Variants in NUGGC observed in about 807,000 individuals in gnomAD.
The protein encoded by NUGGC is nuclear GTPase SLIP-GC.
NUGGC carries 58 observed loss-of-function variants against 92.6 expected under a neutral mutation model. That is an observed-to-expected ratio of 0.63 (90% CI 0.51 to 0.78). The LOEUF (loss-of-function observed/expected upper bound fraction) is 0.78, where lower values mean the gene tolerates loss of function less well. NUGGC is among the 30% of genes least tolerant of loss of function. NUGGC has a pLI of 0.00. For missense variants in NUGGC, 925 were observed against 964.6 expected (o/e 0.96, Z 0.54); for synonymous variants, 376 against 366.4 (o/e 1.03, Z -0.30).
rs149939816 is a variant in NUGGC at position 28,030,359 on chromosome 8, G to A, written c.1968C>T (p.Tyr656=). The A allele has an allele frequency of 9.2e-4, 1,458 of 1,582,270 alleles. 14 individuals are homozygous for A. In the African/African-American group the frequency reaches 0.017, roughly 18 times the overall value. The change falls in exon 16 of 19, where the codon TAC becomes TAT. Residue 656 remains tyrosine, a synonymous_variant. Coordinates refer to ENST00000413272, the MANE Select transcript of NUGGC (RefSeq NM_001010906.2). ...DHILRRKRRI[Y]ESLTASVQSD... is the part of the protein sequence containing the mutation. ...TCTGGACAGAGGCAGTGAGGGACTC[G>A]TAGATCCTCCTCTTCCTTCTGAGGA...
chr8:28,064,746 C>T lies in NUGGC; in HGVS notation c.712-15G>A, dbSNP rs374073572. Reference sequence around the variant, plus strand: ...AGCTCTTCTGCCTGAAGAAGGAGGACAGAGTCACACACACCAGCCATGCAC... The same window carrying T: ...AGCTCTTCTGCCTGAAGAAGGAGGATAGAGTCACACACACCAGCCATGCAC... On this transcript the variant is annotated splice_polypyrimidine_tract_variant and intron_variant, in intron 6 of 18. Transcript: ENST00000413272. The T allele has an allele frequency of 4.4e-6, 7 of 1,608,650 alleles. No individual in the cohort carries two copies. In the African/African-American group the frequency reaches 9.4e-5, roughly 22 times the overall value.
At chr8:28,055,934 G>A in intron 10 of NUGGC, 31 bp downstream of exon 10, 1 of 1,261,650 alleles carries the variant, frequency 7.9e-7, no homozygotes, top group South Asian at 1.3e-5. Flanking sequence ...CTGGGATACA[G>A]AAAAACACAT....
At chr8:28,081,859 C>T (rs1482075453) in intron 1 of NUGGC, among the ~76,000 whole-genome samples, 6 of 147,618 alleles carry the variant, frequency 4.1e-5, no homozygotes, top group Non-Finnish European at 8.9e-5. Flanking sequence ...GCCTGGGCAA[C>T]AGAGTGAGAC....
Position 28,069,570 on chromosome 8 carries a change from G to A in NUGGC, c.231C>T (p.Ser77=), listed in dbSNP as rs1363714542. The part of the protein sequence containing the change: ...KLIQSVFLDD[S]IPNGVKYLIN... ...TGAGATACTTGACTCCATTAGGGAT[G>A]CTGTCATCCAGGAAGACAGACTGAA... The change falls in exon 4 of 19, where the codon AGC becomes AGT. Residue 77 remains serine, a synonymous_variant. Coordinates refer to ENST00000413272, the MANE Select transcript of NUGGC (RefSeq NM_001010906.2). 1.9e-6 allele frequency: 3 copies of A among 1,596,152 alleles called. No homozygotes were observed. Among genetic ancestry groups the A allele is most frequent in the South Asian group, 2.2e-5 (2 of 90,678 alleles).
chr8:28,024,086 T>C (rs925630823), intron 18 of NUGGC, among the ~76,000 whole-genome samples: 4 of 152,114 alleles, frequency 2.6e-5, no homozygotes, highest in Non-Finnish European at 5.9e-5. Context: ...TACAATGGCA[T>C]GATCTTGACT....
At position 28,049,064 on chromosome 8, in the gene NUGGC, A is replaced by T. The variant is rs150808896; in HGVS notation, c.1207-1452T>A. ...ATGTGCGTGTGTGGGTATTTGAGGG[A>T]GGTAGAAAGCAGTGAAGAGTTGTCA... is the stretch of plus-strand genomic sequence containing the variant. On this transcript the variant is annotated intron_variant, in intron 10 of 18. Coordinates refer to ENST00000413272, the MANE Select transcript of NUGGC (RefSeq NM_001010906.2). 4.6e-5 allele frequency among the ~76,000 whole-genome samples: 7 copies of T among 152,144 alleles called. 1 individual carries two copies. Among genetic ancestry groups the T allele is most frequent in the African/African-American group, 1.7e-4 (7 of 41,530 alleles).
intron 12 of NUGGC, 39 bp downstream of exon 12, chr8:28,045,488 A>G (rs1162082461): frequency 6.3e-7 from 1 of 1,592,628 alleles, no homozygotes. Context: ...TGTCCTGCCC[A>G]GGAAGGGGGA....
Position 28,041,212 on chromosome 8 carries a change from C to G in NUGGC, c.1450G>C (p.Glu484Gln). 6.2e-7 allele frequency: 1 copy of G among 1,609,300 alleles called. No individual in the cohort carries two copies. The highest frequency in any genetic ancestry group is 8.5e-7 in the Non-Finnish European group (1 of 1,178,056). Residue 484 changes from glutamate (E) to glutamine (Q), a missense_variant, in exon 13 of 19, where the codon GAA becomes CAA. By Grantham distance (29) the Glu-to-Gln change is conservative (BLOSUM62 2). Transcript: ENST00000413272. Reference sequence around the variant, plus strand: ...CGCAGGACACTCATGTGCAAGTGTTCATTCTAGGGACAAGGACCATAAAAG... The same window carrying G: ...CGCAGGACACTCATGTGCAAGTGTTGATTCTAGGGACAAGGACCATAAAAG... ...SFNSTQNLPNEHLHMSVLRRF... is the reference protein window; with the variant it reads ...SFNSTQNLPNQHLHMSVLRRF...
chr8:28,065,979 G>A (rs1315065465), intron 6 of NUGGC, among the ~76,000 whole-genome samples: 1 of 130,520 alleles, frequency 7.7e-6, no homozygotes, highest in Non-Finnish European at 1.6e-5. Context: ...AACTGGTTCC[G>A]GGCAAACATC....
chr8:28,075,137 A>C (rs1008311872), intron 1 of NUGGC, among the ~76,000 whole-genome samples: 1 of 152,126 alleles, frequency 6.6e-6, no homozygotes, highest in Non-Finnish European at 1.5e-5. Context: ...TCTCAGCAGG[A>C]ATCTGGGAGG....
rs895587366 is a variant in NUGGC at position 28,081,649 on chromosome 8, C to T, written c.-47+2126G>A. ...ATCCCAACATTTTGGGAGGCTGAGC[C>T]GGGCAGATCATGAGGTCAGGAGTTT... On this transcript the variant is annotated intron_variant, in intron 1 of 18. Coordinates refer to ENST00000413272, the MANE Select transcript of NUGGC (RefSeq NM_001010906.2). Among the ~76,000 whole-genome samples the T allele has an allele frequency of 4.6e-5, 7 of 151,982 alleles. No homozygotes were observed. The East Asian group carries it at 9.7e-4, about 21-fold the overall frequency.
chr8:28,033,772 G>C, intron 13 of NUGGC, 75 bp from the exon 14 acceptor site: 5 of 1,256,834 alleles, frequency 4.0e-6, no homozygotes, highest in Non-Finnish European at 5.7e-6. Context: ...CATTGCCCTG[G>C]CCAAAGATCA....
intron 1 of NUGGC, among the ~76,000 whole-genome samples, chr8:28,079,888 C>T (rs1810807296): frequency 1.3e-5 from 2 of 152,052 alleles, no homozygotes; most frequent in African/African-American, 4.8e-5. Context: ...GAAGCTACTG[C>T]CTGCAAACTG....
intron 17 of NUGGC, among the ~76,000 whole-genome samples, chr8:28,027,739 T>C (rs960389251): frequency 6.6e-6 from 1 of 152,200 alleles, no homozygotes; most frequent in Non-Finnish European, 1.5e-5. Flanking sequence ...GCCATGGACC[T>C]GGAACCTGTA....
intron 15 of NUGGC, among the ~76,000 whole-genome samples, 186 bp from the exon 16 acceptor site, chr8:28,030,604 T>A (rs955595513): frequency 2.0e-5 from 3 of 152,230 alleles, no homozygotes; most frequent in African/African-American, 7.2e-5. Context: ...AGCATCTTTA[T>A]ACCCCAAGTG....
At chr8:28,057,346 T>G (rs886998540) in intron 9 of NUGGC, among the ~76,000 whole-genome samples, 22 of 150,266 alleles carry the variant, frequency 1.5e-4, no homozygotes, top group Admixed American at 4.7e-4. Context: ...TTTTTTTTTT[T>G]TTGTTGTTGT....
intron 9 of NUGGC, among the ~76,000 whole-genome samples, 179 bp from the exon 10 acceptor site, chr8:28,056,233 C>T (rs1563224195): frequency 1.3e-5 from 2 of 152,040 alleles, no homozygotes. Context: ...AATCCTAGCC[C>T]GTTGGGAGGC....
chr8:28,075,991 C>G (rs1810712358), intron 1 of NUGGC, among the ~76,000 whole-genome samples: 1 of 152,186 alleles, frequency 6.6e-6, no homozygotes. Context: ...AATTCCTGCT[C>G]TTGCTTCAAA....
intron 2 of NUGGC, among the ~76,000 whole-genome samples, chr8:28,072,870 G>T (rs1810623246): frequency 6.6e-6 from 1 of 151,916 alleles, no homozygotes; most frequent in African/African-American, 2.4e-5. Context: ...GAAACCAGCT[G>T]TTGGGGTGGA....
Sources: gnomAD v4.1 joint callset for allele counts (sites outside exome capture counted in the v4.1 genomes callset) on GRCh38, gnomAD v4.1.1 for gene constraint, MANE v1.5 for transcripts, NCBI Gene and HGNC (gene_info 2026-07-23, HGNC 2026-07-21) for gene names.